GSTCD: variants seen among roughly 807,000 people sequenced by gnomAD.
The protein encoded by GSTCD is glutathione S-transferase C-terminal domain containing.
A neutral mutation model predicts 68.3 loss-of-function variants in GSTCD; 44 were observed. That is an observed-to-expected ratio of 0.64 (90% CI 0.51 to 0.83). The LOEUF (loss-of-function observed/expected upper bound fraction) is 0.83, where lower values mean the gene tolerates loss of function less well. GSTCD is among the 40% of genes least tolerant of loss of function. GSTCD has a pLI of 0.00. For synonymous variants in GSTCD, 273 were observed against 255.2 expected (o/e 1.07, Z -0.67); for missense variants, 739 against 735.9 (o/e 1.00, Z -0.05).
chr4:105,760,996 A>ATTTTTTTTTTTTTTT (rs35581423), intron 5 of GSTCD: 4 of 174,970 alleles, frequency 2.3e-5, no homozygotes, highest in Admixed American at 1.2e-4. Flanking sequence ...TCCTTTTTTA[A>ATTTTTTTTTTTTTTT]TTTTTTTTTT....
intron 5 of GSTCD, among the ~76,000 whole-genome samples, chr4:105,735,094 G>A (rs1733411511): frequency 1.3e-5 from 2 of 152,172 alleles, no homozygotes; most frequent in South Asian, 4.1e-4. Flanking sequence ...GCCCCTACTG[G>A]GGAGTGCCTC....
intron 5 of GSTCD, among the ~76,000 whole-genome samples, chr4:105,756,495 T>TACACACACACACAC (rs3055931): frequency 1.6e-3 from 217 of 139,484 alleles, no homozygotes; most frequent in Middle Eastern, 7.4e-3. Flanking sequence ...CCTATGCACA[T>TACACACACACACAC]ACACACACAC....
At chr4:105,778,761 CTT>C (rs989454115) in intron 5 of GSTCD, among the ~76,000 whole-genome samples, 4 of 152,006 alleles carry the variant, frequency 2.6e-5, no homozygotes, top group African/African-American at 9.7e-5. Context: ...CTGTCATACT[CTT>C]TTTAAATTTT....
At chr4:105,785,144 T>C (rs1228086446) in intron 5 of GSTCD, among the ~76,000 whole-genome samples, 1 of 152,208 alleles carries the variant, frequency 6.6e-6, no homozygotes, top group Non-Finnish European at 1.5e-5. Flanking sequence ...TTTGTTTTAG[T>C]CTTCTCATGT....
chr4:105,778,984 A>G (rs764441621), intron 5 of GSTCD, among the ~76,000 whole-genome samples: 2 of 152,164 alleles, frequency 1.3e-5, no homozygotes, highest in Non-Finnish European at 2.9e-5. Context: ...TGAATACGCC[A>G]GAGTGAGATT....
chr4:105,785,251 AT>A (rs1447621962), intron 5 of GSTCD, among the ~76,000 whole-genome samples: 1 of 152,236 alleles, frequency 6.6e-6, no homozygotes, highest in African/African-American at 2.4e-5. Context: ...ACAAACTAAT[AT>A]AAAGTCATCA....
intron 5 of GSTCD, among the ~76,000 whole-genome samples, chr4:105,791,140 T>C (rs1340376055): frequency 6.6e-6 from 1 of 151,898 alleles, no homozygotes; most frequent in African/African-American, 2.4e-5. Context: ...ATGCCTGTAA[T>C]CCCAGCACTT....
intron 5 of GSTCD, among the ~76,000 whole-genome samples, chr4:105,757,208 A>G (rs1235260973): frequency 6.6e-6 from 1 of 152,204 alleles, no homozygotes; most frequent in Non-Finnish European, 1.5e-5. Flanking sequence ...GGGAAGAATT[A>G]TAATAACCCT....
chr4:105,721,213 C>T (rs1052673656), intron 3 of GSTCD, among the ~76,000 whole-genome samples: 7 of 152,120 alleles, frequency 4.6e-5, no homozygotes, highest in Non-Finnish European at 8.8e-5. Context: ...ACCTTGTGAT[C>T]CGCCCACCTC....
intron 5 of GSTCD, among the ~76,000 whole-genome samples, chr4:105,732,432 G>T (rs1225164392): frequency 6.6e-6 from 1 of 152,140 alleles, no homozygotes; most frequent in East Asian, 1.9e-4. Context: ...GGGTGTATGT[G>T]TCCAGTAATT....
chr4:105,727,604 A>T (rs1440795412), intron 4 of GSTCD, among the ~76,000 whole-genome samples: 1 of 151,512 alleles, frequency 6.6e-6, no homozygotes, highest in Non-Finnish European at 1.5e-5. Flanking sequence ...TAATTTTGGA[A>T]TTCTTTGAAT....
intron 11 of GSTCD, chr4:105,843,504 AG>A (rs2149289946): frequency 6.6e-6 from 1 of 152,450 alleles, no homozygotes; most frequent in Non-Finnish European, 1.5e-5. Flanking sequence ...TCTGAAGGCT[AG>A]GAAGTCCAAG....
At chr4:105,764,599 C>T (rs554475652) in intron 5 of GSTCD, among the ~76,000 whole-genome samples, 20 of 152,254 alleles carry the variant, frequency 1.3e-4, no homozygotes, top group Middle Eastern at 3.4e-3. Context: ...CACAGCTTTT[C>T]CTCTGTGTGC....
At chr4:105,772,405 A>G (rs545899209) in intron 5 of GSTCD, among the ~76,000 whole-genome samples, 2 of 152,262 alleles carry the variant, frequency 1.3e-5, no homozygotes, top group South Asian at 4.1e-4. Context: ...TATGTTGAAT[A>G]TGAGTGGTGA....
intron 5 of GSTCD, among the ~76,000 whole-genome samples, chr4:105,796,802 T>A (rs553821613): frequency 5.3e-5 from 8 of 152,236 alleles, no homozygotes; most frequent in Non-Finnish European, 1.2e-4. Context: ...TACAGATTTA[T>A]ACATCAGTAA....
chr4:105,761,818 G>A (rs888690439), intron 5 of GSTCD: 4 of 152,112 alleles, frequency 2.6e-5, no homozygotes, highest in African/African-American at 9.7e-5. Flanking sequence ...GCCTTAAATC[G>A]AAGCCACATT....
At chr4:105,736,777 C>A (rs1296606968) in intron 5 of GSTCD, among the ~76,000 whole-genome samples, 1 of 152,178 alleles carries the variant, frequency 6.6e-6, no homozygotes, top group Non-Finnish European at 1.5e-5. Flanking sequence ...ATTCTACTCT[C>A]TAATTCTATG....
At chr4:105,723,701 A>G (rs1732942771) in intron 3 of GSTCD, among the ~76,000 whole-genome samples, 3 of 151,762 alleles carry the variant, frequency 2.0e-5, no homozygotes, top group South Asian at 4.1e-4. Flanking sequence ...ATAAATGTAT[A>G]TCTTTAAATA....
intron 11 of GSTCD, among the ~76,000 whole-genome samples, chr4:105,844,067 A>T (rs1230360286): frequency 6.6e-6 from 1 of 152,166 alleles, no homozygotes; most frequent in Non-Finnish European, 1.5e-5. Flanking sequence ...AACATGTGAA[A>T]ACATGAAATT....
Sources: gnomAD v4.1 joint callset for allele counts (sites outside exome capture counted in the v4.1 genomes callset) on GRCh38, gnomAD v4.1.1 for gene constraint, MANE v1.5 for transcripts, NCBI Gene and HGNC (gene_info 2026-07-23, HGNC 2026-07-21) for gene names.